The following ESRP2 variants were observed in gnomAD, a reference collection of about 807,000 sequenced individuals.
ESRP2 encodes the protein RNA binding motif protein 35A.
Under a neutral mutation model 78.6 loss-of-function variants are expected in ESRP2, and 48 were observed. That is an observed-to-expected ratio of 0.61 (90% CI 0.48 to 0.78). The LOEUF (loss-of-function observed/expected upper bound fraction) is 0.78, where lower values mean the gene tolerates loss of function less well. Among genes scored for constraint, ESRP2 ranks in the 30% least tolerant of loss-of-function variants. ESRP2 has a pLI of 0.00. For missense variants in ESRP2, 863 were observed against 965.9 expected, an observed-to-expected ratio of 0.89 and a Z score of 1.41; for synonymous variants, 383 against 406.7, an observed-to-expected ratio of 0.94 and a Z score of 0.70.
In ESRP2 at chr16:68,235,880, C is replaced by G. The variant is rs766204954; in HGVS notation, c.166G>C (p.Val56Leu). Residue 56 changes from valine (V) to leucine (L), a missense_variant, in exon 1 of 15, where the codon GTT becomes CTT. By Grantham distance (32) the Val-to-Leu change is conservative. Coordinates refer to ENST00000473183, the MANE Select transcript of ESRP2 (RefSeq NM_024939.3). The surrounding 1 kb of genome is among the most constrained non-coding windows in gnomAD (Gnocchi z 5.5). ...GSDETDLILLVWQVVEPRSRQ... is the reference protein window; with the variant it reads ...GSDETDLILLLWQVVEPRSRQ... Reference sequence around the variant, plus strand: ...CTCCGCGGCTCAACCACTTGCCAAACTAGGAGGATTAAGTCGGTCTCGTCC... The same window carrying G: ...CTCCGCGGCTCAACCACTTGCCAAAGTAGGAGGATTAAGTCGGTCTCGTCC... 14 of 1,612,040 alleles carry G rather than the reference C, an allele frequency of 8.7e-6. No homozygotes were observed. Among genetic ancestry groups the G allele is most frequent in the Admixed American group, 1.7e-5 (1 of 59,956 alleles).
At position 68,231,857 on chromosome 16, in the gene ESRP2, A is replaced by C. The variant is rs138767086; in HGVS notation, c.1244T>G (p.Met415Arg). 5 of 1,613,932 alleles carry C rather than the reference A, an allele frequency of 3.1e-6. No individual in the cohort carries two copies. The African/African-American group carries it at 6.7e-5, about 22-fold the overall frequency. Reference protein sequence around the residue: ...AQAALRRHKGMLGKRYIELFR... With the variant: ...AQAALRRHKGRLGKRYIELFR... Reference sequence around the variant, plus strand: ...GAGTTCAATGTATCGCTTACCCAGCATGCCCTTGTGCCTGCGCAGTGCAGC... The same window carrying C: ...GAGTTCAATGTATCGCTTACCCAGCCTGCCCTTGTGCCTGCGCAGTGCAGC... The change falls in exon 10 of 15, where the codon ATG becomes AGG. Residue 415 changes from methionine (M) to arginine (R), a missense_variant. Physicochemically the swap from Met to Arg is moderately conservative, Grantham distance 91. Transcript: ENST00000473183. The surrounding 1 kb of genome is among the most constrained non-coding windows in gnomAD (Gnocchi z 6.0).
chr16:68,230,953 G>C lies in ESRP2; in HGVS notation c.1786C>G (p.Pro596Ala). The change falls in exon 13 of 15, where the codon CCC (proline) becomes GCC (alanine). Residue 596 changes from proline (P) to alanine (A), a missense_variant. Pro to Ala is a conservative substitution (Grantham distance 27). Transcript: ENST00000473183. ...GCAGCTGGGAGCAGTGCTGAAGAGG[G>C]GTATAGAGCTGCCGTCTCCGTGGGA... ...LIPTETAALYPSSALLPAARV... is the reference protein window; with the variant it reads ...LIPTETAALYASSALLPAARV... 1 of 1,611,330 alleles carries C rather than the reference G, an allele frequency of 6.2e-7. No homozygotes were observed. Among genetic ancestry groups the C allele is most frequent in the Non-Finnish European group, 8.5e-7 (1 of 1,178,732 alleles).
Position 68,232,790 on chromosome 16 carries a change from C to T in ESRP2, c.681G>A (p.Val227=). The change falls in exon 6 of 15, where the codon GTG becomes GTA. Residue 227 remains valine, a synonymous_variant. Coordinates refer to ENST00000473183, the MANE Select transcript of ESRP2 (RefSeq NM_024939.3). This position sits in a 1 kb window ranked among gnomAD's most constrained non-coding sequence, Gnocchi z 5.2. ...PSSQLFSKPE[V]IKQKYETGPC... ...GCCCCGTCTCGTATTTCTGCTTTAT[C>T]ACCTCGGGCTTCGAAAACAATTGAC... 1 of 1,614,246 alleles carries T rather than the reference C, an allele frequency of 6.2e-7. No individual in the cohort carries two copies. Among genetic ancestry groups the T allele is most frequent in the Non-Finnish European group, 8.5e-7 (1 of 1,180,058 alleles).
Position 68,231,317 on chromosome 16 carries a change from A to G in ESRP2, c.1572T>C (p.Ala524=). 6.2e-7 allele frequency: 1 copy of G among 1,614,140 alleles called. No individual in the cohort carries two copies. The highest frequency in any genetic ancestry group is 8.5e-7 in the Non-Finnish European group (1 of 1,180,010). The change falls in exon 12 of 15, where the codon GCT becomes GCC. Residue 524 remains alanine, a synonymous_variant. Coordinates refer to ENST00000473183, the MANE Select transcript of ESRP2 (RefSeq NM_024939.3). This position sits in a 1 kb window ranked among gnomAD's most constrained non-coding sequence, Gnocchi z 6.0. ...QMTSAERALA[A]AQRCHKKVMK... ...TCACCTTCTTATGGCAACGCTGAGC[A>G]GCAGCTAGGGCTCGCTCTGCTGATG...
Position 68,231,699 on chromosome 16 carries a change from T to G in ESRP2, c.1300-5A>C, listed in dbSNP as rs199622856. The G allele has an allele frequency of 2.1e-5, 34 of 1,599,174 alleles. No individual in the cohort carries two copies. Among genetic ancestry groups the G allele is most frequent in the Non-Finnish European group, 2.8e-5 (33 of 1,170,098 alleles). On this transcript the variant is annotated splice_polypyrimidine_tract_variant and splice_region_variant and intron_variant, in intron 10 of 14. Transcript: ENST00000473183. The surrounding 1 kb of genome is among the most constrained non-coding windows in gnomAD (Gnocchi z 6.0). ...GGATGCATAGCGGTTCAAGACCTAGTAAGGAAGGCAGCAACAGGCTGGTCA... is the reference window on the plus strand; with the variant it reads ...GGATGCATAGCGGTTCAAGACCTAGGAAGGAAGGCAGCAACAGGCTGGTCA...
chr16:68,233,196 CAAAAAA>C (rs377116348), intron 5 of ESRP2, 125 bp downstream of exon 5: 14 of 524,006 alleles, frequency 2.7e-5, no homozygotes, highest in Admixed American at 3.6e-5. Flanking sequence ...GAGACTGTCT[CAAAAAA>C]AAAAAAAAAA....
rs192768082 is a variant in ESRP2 at position 68,231,044 on chromosome 16, A to G, written c.1712-17T>C. Reference sequence around the variant, plus strand: ...GTGAGAGGCCTAGAGACGGAAGTAGAAAGTGCATGTGCACGGAGCCCAGCA... The same window carrying G: ...GTGAGAGGCCTAGAGACGGAAGTAGGAAGTGCATGTGCACGGAGCCCAGCA... On this transcript the variant is annotated splice_polypyrimidine_tract_variant and intron_variant, in intron 12 of 14. Coordinates refer to ENST00000473183, the MANE Select transcript of ESRP2 (RefSeq NM_024939.3). The surrounding 1 kb of genome is among the most constrained non-coding windows in gnomAD (Gnocchi z 6.0). 4.4e-6 allele frequency: 7 copies of G among 1,589,254 alleles called. No homozygotes were observed. The East Asian group carries it at 1.3e-4, about 30-fold the overall frequency.
At position 68,229,510 on chromosome 16, in the gene ESRP2, G is replaced by A. The variant is rs898486694; in HGVS notation, c.*716C>T. ...TTCCCAAGGCATACAAGAAAAGTTG[G>A]CAGAAAGTCCTCCCCTTTAAAATTC... On this transcript the variant is annotated 3_prime_UTR_variant, in exon 15 of 15. Coordinates refer to ENST00000473183, the MANE Select transcript of ESRP2 (RefSeq NM_024939.3). 1 of 152,722 alleles carries A rather than the reference G, an allele frequency of 6.5e-6. No homozygotes were observed. Among genetic ancestry groups the A allele is most frequent in the South Asian group, 2.1e-4 (1 of 4,830 alleles). 9.5% of individuals were successfully genotyped at this position (152,722 alleles called of 1,614,324 possible).
At position 68,231,757 on chromosome 16, in the gene ESRP2, C is replaced by T. The variant is rs1370742896; in HGVS notation, c.1299+45G>A. ...TAGGGCAGGGACACAGAGGGCCGCC[C>T]TGGAGTAACAGTACATCTGGGGGTG... On this transcript the variant is annotated intron_variant, in intron 10 of 14. Coordinates refer to ENST00000473183, the MANE Select transcript of ESRP2 (RefSeq NM_024939.3). This position sits in a 1 kb window ranked among gnomAD's most constrained non-coding sequence, Gnocchi z 6.0. The T allele has an allele frequency of 6.3e-7, 1 of 1,597,910 alleles. No individual in the cohort carries two copies. Among genetic ancestry groups the T allele is most frequent in the Non-Finnish European group, 8.6e-7 (1 of 1,169,402 alleles).
rs1036132721 is a variant in ESRP2, at chr16:68,230,170, A to G, written c.*56T>C. 17 of 1,538,470 alleles carry G rather than the reference A, an allele frequency of 1.1e-5. No homozygotes were observed. The highest frequency in any genetic ancestry group is 1.4e-5 in the Non-Finnish European group (16 of 1,111,624). On this transcript the variant is annotated 3_prime_UTR_variant, in exon 15 of 15. Coordinates refer to ENST00000473183, the MANE Select transcript of ESRP2 (RefSeq NM_024939.3). ...TTGAGGGTGCTGGTCTTCTGGACTC[A>G]GGAGAGACATGTTCGCCGAGGATAT...
intron 2 of ESRP2, chr16:68,234,525 GTCA>G (rs2042196208): frequency 6.1e-6 from 1 of 163,134 alleles, no homozygotes. Context: ...AAGGCTCATG[GTCA>G]ATGGCAGCCC....
chr16:68,235,873 T>A lies in ESRP2; in HGVS notation c.173A>T (p.Gln58Leu). ...DETDLILLVW[Q>L]VVEPRSRQVG... is the part of the protein sequence containing the mutation. ...CTGGCGGCTCCGCGGCTCAACCACT[T>A]GCCAAACTAGGAGGATTAAGTCGGT... The change falls in exon 1 of 15, where the codon CAA becomes CTA. Residue 58 changes from glutamine (Q) to leucine (L), a missense_variant. Transcript: ENST00000473183. The surrounding 1 kb of genome is among the most constrained non-coding windows in gnomAD (Gnocchi z 5.5). The A allele has an allele frequency of 6.2e-7, 1 of 1,611,792 alleles. No individual in the cohort carries two copies. The highest frequency in any genetic ancestry group is 8.5e-7 in the Non-Finnish European group (1 of 1,179,514).
At chr16:68,234,406 G>A (rs1227928376) in intron 2 of ESRP2, 3 of 320,410 alleles carry the variant, frequency 9.4e-6, no homozygotes, top group Non-Finnish European at 1.7e-5. Flanking sequence ...CAAACACCTG[G>A]AGTGGGACAA....
chr16:68,235,679 G>T lies in ESRP2; in HGVS notation c.282C>A (p.Ala94=). The change falls in exon 2 of 15, where the codon GCC becomes GCA. Residue 94 remains alanine, a synonymous_variant. Coordinates refer to ENST00000473183, the MANE Select transcript of ESRP2 (RefSeq NM_024939.3). The surrounding 1 kb of genome is among the most constrained non-coding windows in gnomAD (Gnocchi z 5.5). ...TQCREASGLS[A]DSLARAEPLD... ...GCGGCTCTGCCCGCGCCAGGCTGTC[G>T]GCGCTCAGGCCGCTCGCCTCGCGGC... 1.9e-6 allele frequency: 3 copies of T among 1,598,912 alleles called. 1 individual carries two copies. Among genetic ancestry groups the T allele is most frequent in the Non-Finnish European group, 2.5e-6 (3 of 1,178,438 alleles).
At position 68,231,699 on chromosome 16, in the gene ESRP2, TAAGG is replaced by T. The variant is rs2042142568; in HGVS notation, c.1300-9_1300-6del. ...GGATGCATAGCGGTTCAAGACCTAG[TAAGG>T]AAGGCAGCAACAGGCTGGTCATGCC... On this transcript the variant is annotated splice_region_variant and splice_polypyrimidine_tract_variant and intron_variant, in intron 10 of 14. Transcript: ENST00000473183. This position sits in a 1 kb window ranked among gnomAD's most constrained non-coding sequence, Gnocchi z 6.0. 3 of 1,599,174 alleles carry T rather than the reference TAAGG, an allele frequency of 1.9e-6. No individual in the cohort carries two copies. Among genetic ancestry groups the T allele is most frequent in the Middle Eastern group, 1.7e-4 (1 of 6,002 alleles).
rs868487983 is a variant in ESRP2, at chr16:68,231,601, C to T, written c.1393G>A (p.Asp465Asn). The T allele has an allele frequency of 6.2e-7, 1 of 1,613,966 alleles. No individual in the cohort carries two copies. Among genetic ancestry groups the T allele is most frequent in the South Asian group, 1.1e-5 (1 of 91,076 alleles). The change falls in exon 11 of 15, where the codon GAC (aspartate) becomes AAC (asparagine). Residue 465 changes from aspartate (D) to asparagine (N), a missense_variant. Physicochemically the swap from Asp to Asn is conservative, Grantham distance 23 (BLOSUM62 1). Coordinates refer to ENST00000473183, the MANE Select transcript of ESRP2 (RefSeq NM_024939.3). The surrounding 1 kb of genome is among the most constrained non-coding windows in gnomAD (Gnocchi z 6.0). ...PFPLAPGTGR[D>N]CVRLRGLPYT... is the part of the protein sequence containing the mutation. Reference sequence around the variant, plus strand: ...GGCAGGCCTCGGAGGCGTACACAGTCCCTCCCAGTCCCAGGTGCCAGTGGG... The same window carrying T: ...GGCAGGCCTCGGAGGCGTACACAGTTCCTCCCAGTCCCAGGTGCCAGTGGG...
intron 3 of ESRP2, 22 bp downstream of exon 3, chr16:68,233,972 C>G (rs377283884): frequency 1.9e-6 from 3 of 1,611,578 alleles, no homozygotes; most frequent in Non-Finnish European, 2.5e-6. Flanking sequence ...CCACCCCACC[C>G]GGTTTTCCTT....
In ESRP2 at chr16:68,229,924, G is replaced by T; in HGVS notation, c.*302C>A. The stretch of plus-strand genomic sequence containing the variant: ...AGCCCCACGATATCTGTCGGCATGG[G>T]CCACAGCCAGGACAGACTTAAGGGC... On this transcript the variant is annotated 3_prime_UTR_variant, in exon 15 of 15. Transcript: ENST00000473183. The T allele has an allele frequency of 2.4e-6, 1 of 417,690 alleles. No individual in the cohort carries two copies. Among genetic ancestry groups the T allele is most frequent in the Non-Finnish European group, 4.4e-6 (1 of 226,748 alleles). The allele number at this position is 417,690 out of a possible 1,614,324, so 25.9% of individuals were successfully genotyped here.
Position 68,231,404 on chromosome 16 carries a change from G to A in ESRP2, c.1513-28C>T, listed in dbSNP as rs748615466. The stretch of plus-strand genomic sequence containing the variant: ...GTGCACACCATCTTGTGAGCAGTTT[G>A]TCATGTGTAAGAGTGCCTTACCCCT... On this transcript the variant is annotated intron_variant, in intron 11 of 14. Coordinates refer to ENST00000473183, the MANE Select transcript of ESRP2 (RefSeq NM_024939.3). The surrounding 1 kb of genome is among the most constrained non-coding windows in gnomAD (Gnocchi z 6.0). 6.2e-7 allele frequency: 1 copy of A among 1,613,994 alleles called. No homozygotes were observed. The highest frequency in any genetic ancestry group is 8.5e-7 in the Non-Finnish European group (1 of 1,179,942).
Sources: gnomAD v4.1 joint callset for allele counts on GRCh38, gnomAD v4.1.1 for gene constraint, Gnocchi (gnomAD v3.1) non-coding constraint, MANE v1.5 for transcripts, NCBI Gene and HGNC (gene_info 2026-07-23, HGNC 2026-07-21) for gene names.